ICA1L: variants seen among roughly 807,000 people sequenced by gnomAD.
ICA1L encodes islet cell autoantigen 1 like, also known as islet cell autoantigen 1-like protein.
A neutral mutation model predicts 61.3 loss-of-function variants in ICA1L; 50 were observed. That is an observed-to-expected ratio of 0.82 (90% CI 0.65 to 1.03). ICA1L has a LOEUF of 1.03. Ranked by LOEUF, ICA1L falls within the 50% of genes least tolerant of loss-of-function variation. The probability of loss-of-function intolerance (pLI) is 0.00; values close to 1 mark genes in which losing one functional copy is unlikely to be tolerated. For missense variants in ICA1L, 508 were observed against 556.7 expected (o/e 0.91, Z 0.88); for synonymous variants, 161 against 191.3 (o/e 0.84, Z 1.31).
chr2:202,818,865 TCTTTTAAA>T (rs1218520735), intron 5 of ICA1L, among the ~76,000 whole-genome samples: 1 of 152,232 alleles, frequency 6.6e-6, no homozygotes, highest in African/African-American at 2.4e-5. Flanking sequence ...ACATTATTCT[TCTTTTAAA>T]AATTGAGGTG....
At chr2:202,780,090 C>T (rs1692354074) in intron 12 of ICA1L, among the ~76,000 whole-genome samples, 1 of 152,114 alleles carries the variant, frequency 6.6e-6, no homozygotes, top group Non-Finnish European at 1.5e-5. Context: ...CATTTAAGAT[C>T]ACTTATAGAA....
intron 11 of ICA1L, among the ~76,000 whole-genome samples, chr2:202,787,762 T>C (rs1426119892): frequency 6.6e-6 from 1 of 152,126 alleles, no homozygotes; most frequent in Non-Finnish European, 1.5e-5. Flanking sequence ...GGGGTTAAAA[T>C]CTAGGATGTG....
chr2:202,862,177 A>T (rs925022979), intron 1 of ICA1L, among the ~76,000 whole-genome samples: 2 of 141,522 alleles, frequency 1.4e-5, no homozygotes, highest in Non-Finnish European at 3.0e-5. Flanking sequence ...TGTAGCTCCC[A>T]TTTGTAATCC....
intron 8 of ICA1L, among the ~76,000 whole-genome samples, chr2:202,812,974 A>G (rs1298171419): frequency 6.6e-6 from 1 of 152,148 alleles, no homozygotes; most frequent in African/African-American, 2.4e-5. Context: ...AAATGTCAAT[A>G]TTGGCCAGGC....
chr2:202,840,879 C>T (rs1694308769), intron 1 of ICA1L: 3 of 658,086 alleles, frequency 4.6e-6, no homozygotes, highest in South Asian at 1.5e-5. Flanking sequence ...CTTTGCATGC[C>T]GCAGGTCATC....
At chr2:202,862,657 T>TG (rs1694953440) in intron 1 of ICA1L, among the ~76,000 whole-genome samples, 1 of 151,130 alleles carries the variant, frequency 6.6e-6, no homozygotes, top group Non-Finnish European at 1.5e-5. Context: ...GCCAACATGG[T>TG]GAAACCCCGT....
chr2:202,867,157 C>A (rs574381079), intron 1 of ICA1L, among the ~76,000 whole-genome samples: 1 of 151,914 alleles, frequency 6.6e-6, no homozygotes, highest in Non-Finnish European at 1.5e-5. Context: ...ATGAACAGAC[C>A]CGTGTTCTGA....
intron 9 of ICA1L, among the ~76,000 whole-genome samples, chr2:202,799,435 A>G (rs139382054): frequency 4.8e-4 from 73 of 152,234 alleles, no homozygotes; most frequent in African/African-American, 1.7e-3. Context: ...AGAAATGTCT[A>G]CTATTCATGT....
At chr2:202,803,202 G>A (rs1216061748) in intron 9 of ICA1L, among the ~76,000 whole-genome samples, 1 of 152,052 alleles carries the variant, frequency 6.6e-6, no homozygotes, top group Admixed American at 6.5e-5. Flanking sequence ...GAGGTCAGGA[G>A]TTCGAGACCA....
In ICA1L at chr2:202,825,736, TC is replaced by T; in HGVS notation, c.193del (p.Glu65AsnfsTer3). ...VFHSVQETCT[E>X]LLKIIEKYQL... ...GTATTTCTCGATTATCTTCAGAAGT[TC>T]AGTGCATGTCTCTTGAACAGAGTGA... is the stretch of plus-strand genomic sequence containing the variant. On this transcript the variant is annotated frameshift_variant, in exon 3 of 13. Transcript: ENST00000358299. LOFTEE classifies it high-confidence loss of function. The T allele has an allele frequency of 6.3e-7, 1 of 1,586,282 alleles. No individual in the cohort carries two copies. Among genetic ancestry groups the T allele is most frequent in the Non-Finnish European group, 8.6e-7 (1 of 1,158,094 alleles).
chr2:202,818,415 T>C (rs1693601602), intron 5 of ICA1L, among the ~76,000 whole-genome samples: 1 of 152,178 alleles, frequency 6.6e-6, no homozygotes, highest in East Asian at 1.9e-4. Context: ...GAGCACGTTC[T>C]TCCTGGAGTG....
chr2:202,782,739 T>G (rs945559039), intron 12 of ICA1L, among the ~76,000 whole-genome samples: 1 of 152,146 alleles, frequency 6.6e-6, no homozygotes, highest in Non-Finnish European at 1.5e-5. Context: ...TTGTTGTACC[T>G]TCTTGGTGAG....
intron 1 of ICA1L, among the ~76,000 whole-genome samples, chr2:202,845,583 C>T (rs568223438): frequency 8.6e-5 from 13 of 150,660 alleles, no homozygotes; most frequent in Non-Finnish European, 1.5e-4. Context: ...GCCAAGATCA[C>T]GCCATTGCAC....
intron 1 of ICA1L, among the ~76,000 whole-genome samples, chr2:202,851,742 T>G (rs1301663868): frequency 1.3e-5 from 2 of 152,230 alleles, no homozygotes; most frequent in African/African-American, 2.4e-5. Context: ...GGTTTTGATT[T>G]GCATTTCTCT....
intron 5 of ICA1L, 192 bp downstream of exon 5, chr2:202,819,509 G>A: frequency 1.7e-6 from 1 of 578,556 alleles, no homozygotes; most frequent in Non-Finnish European, 3.1e-6. Context: ...TAGATGGTGT[G>A]AAGATGCCAC....
At position 202,814,697 on chromosome 2, in the gene ICA1L, C is replaced by T; in HGVS notation, c.866+5G>A. 2 of 1,602,450 alleles carry T rather than the reference C, an allele frequency of 1.2e-6. No individual in the cohort carries two copies. Among genetic ancestry groups the T allele is most frequent in the South Asian group, 2.2e-5 (2 of 90,510 alleles). ...ACATGACACAGATGACTTATGCCTG[C>T]TTACTTATTGAGCTGTTCAGTAAGA... On this transcript the variant is annotated splice_donor_5th_base_variant and intron_variant, in intron 8 of 12. Coordinates refer to ENST00000358299, the MANE Select transcript of ICA1L (RefSeq NM_001288622.3).
chr2:202,837,819 G>A (rs1189227845), intron 1 of ICA1L, among the ~76,000 whole-genome samples: 1 of 151,254 alleles, frequency 6.6e-6, no homozygotes, highest in East Asian at 1.9e-4. Flanking sequence ...CTTAAGTTTT[G>A]GGATATTGTA....
chr2:202,800,474 G>C (rs943259930), intron 9 of ICA1L, among the ~76,000 whole-genome samples: 2 of 152,100 alleles, frequency 1.3e-5, no homozygotes, highest in African/African-American at 4.8e-5. Context: ...GTGCCCTATT[G>C]CAACAATGGG....
intron 9 of ICA1L, among the ~76,000 whole-genome samples, chr2:202,801,599 TCTC>T (rs764202792): frequency 3.3e-5 from 5 of 152,228 alleles, no homozygotes; most frequent in Non-Finnish European, 5.9e-5. Context: ...TTTTCTCTGT[TCTC>T]CTGGCTTCTC....
Sources: gnomAD v4.1 joint callset for allele counts (sites outside exome capture counted in the v4.1 genomes callset) on GRCh38, gnomAD v4.1.1 for gene constraint, MANE v1.5 for transcripts, NCBI Gene and HGNC (gene_info 2026-07-23, HGNC 2026-07-21) for gene names.